TAF4B: variants seen among roughly 807,000 people sequenced by gnomAD.
TAF4B encodes transcription initiation factor TFIID subunit 4B.
TAF4B carries 38 observed loss-of-function variants against 86.4 expected under a neutral mutation model. The observed-to-expected ratio is 0.44, with a 90% CI of 0.34 to 0.58. TAF4B has a LOEUF of 0.58. Ranked by LOEUF, TAF4B falls within the 20% of genes least tolerant of loss-of-function variation. The pLI, the probability that TAF4B is intolerant of heterozygous loss-of-function variation, is 0.02. For synonymous variants in TAF4B, 388 were observed against 391.2 expected, an observed-to-expected ratio of 0.99 and a Z score of 0.10; for missense variants, 988 against 1,027.6, an observed-to-expected ratio of 0.96 and a Z score of 0.53.
intron 12 of TAF4B, among the ~76,000 whole-genome samples, chr18:26,328,768 CACCACCACGCCCG>C: frequency 6.6e-6 from 1 of 152,052 alleles, no homozygotes; most frequent in Non-Finnish European, 1.5e-5. Context: ...TACAGACGCT[CACCACCACGCCCG>C]GCGAATTTTT....
chr18:26,289,791 C>T (rs2056570106), intron 7 of TAF4B, among the ~76,000 whole-genome samples: 1 of 152,182 alleles, frequency 6.6e-6, no homozygotes, highest in Non-Finnish European at 1.5e-5. Flanking sequence ...AATTCTCTTA[C>T]ATTATCACTC....
chr18:26,359,347 A>G (rs2057313423), intron 14 of TAF4B, among the ~76,000 whole-genome samples: 1 of 152,186 alleles, frequency 6.6e-6, no homozygotes, highest in Non-Finnish European at 1.5e-5. Flanking sequence ...GTGCTTGTAC[A>G]ATGTAAGTAC....
intron 9 of TAF4B, among the ~76,000 whole-genome samples, chr18:26,312,409 A>G (rs982312024): frequency 6.6e-6 from 1 of 151,980 alleles, no homozygotes; most frequent in African/African-American, 2.4e-5. Context: ...TACGCCTGCC[A>G]CCATCTGTAA....
At chr18:26,315,125 TCTCTCTCTCTCTCTCTCTCTG>T in intron 9 of TAF4B, 83 bp from the exon 10 acceptor site, 1 of 320,452 alleles carries the variant, frequency 3.1e-6, no homozygotes, top group Non-Finnish European at 4.8e-6. Context: ...TCTCTCTCTC[TCTCTCTCTCTCTCTCTCTCTG>T]TCTCTCTCTC....
At chr18:26,359,545 C>CA (rs1269884796) in intron 14 of TAF4B, among the ~76,000 whole-genome samples, 1 of 152,024 alleles carries the variant, frequency 6.6e-6, no homozygotes. Context: ...GTATAATGTA[C>CA]AAAAAACTGC....
chr18:26,382,862 T>TA (rs1978298113), intron 14 of TAF4B, among the ~76,000 whole-genome samples: 1 of 151,986 alleles, frequency 6.6e-6, no homozygotes, highest in South Asian at 2.1e-4. Flanking sequence ...TAGAGGGAAA[T>TA]AAAAAGTACT....
At chr18:26,294,206 A>G (rs1221115678) in intron 9 of TAF4B, among the ~76,000 whole-genome samples, 1 of 152,140 alleles carries the variant, frequency 6.6e-6, no homozygotes, top group Non-Finnish European at 1.5e-5. Context: ...TTGTTTATCA[A>G]AATGACAGTA....
chr18:26,326,271 G>A (rs1568154572), intron 11 of TAF4B, among the ~76,000 whole-genome samples: 1 of 152,150 alleles, frequency 6.6e-6, no homozygotes, highest in Non-Finnish European at 1.5e-5. Flanking sequence ...AGGTGGGAAA[G>A]CACTGTTTTA....
At chr18:26,254,218 A>G (rs1400588172) in intron 1 of TAF4B, among the ~76,000 whole-genome samples, 1 of 152,086 alleles carries the variant, frequency 6.6e-6, no homozygotes, top group African/African-American at 2.4e-5. Context: ...CTGAGCCACC[A>G]TGCCTGGCCT....
chr18:26,383,919 T>A (rs990407340), intron 14 of TAF4B, among the ~76,000 whole-genome samples: 2 of 152,254 alleles, frequency 1.3e-5, no homozygotes, highest in Non-Finnish European at 2.9e-5. Context: ...TTTTCTGTCC[T>A]GTGTTCCCCT....
At chr18:26,353,903 T>C (rs2057265538) in intron 13 of TAF4B, among the ~76,000 whole-genome samples, 1 of 152,228 alleles carries the variant, frequency 6.6e-6, no homozygotes. Context: ...TTAGGTGTCA[T>C]GTTCAAGGAC....
intron 9 of TAF4B, among the ~76,000 whole-genome samples, chr18:26,309,322 T>C (rs1412775614): frequency 7.8e-6 from 1 of 129,020 alleles, no homozygotes; most frequent in Non-Finnish European, 1.6e-5. Context: ...AATGAAAACT[T>C]TGCAAAACAT....
intron 14 of TAF4B, among the ~76,000 whole-genome samples, chr18:26,368,292 G>A (rs1443302878): frequency 6.6e-6 from 1 of 152,096 alleles, no homozygotes; most frequent in South Asian, 2.1e-4. Context: ...GATAGGGTTA[G>A]ATTATAATTG....
At position 26,275,028 on chromosome 18, in the gene TAF4B, T is replaced by A; in HGVS notation, c.857T>A (p.Val286Glu). Residue 286 changes from valine to glutamate, a missense_variant, in exon 5 of 15, where the codon GTG becomes GAG. Val to Glu is a moderately radical substitution (Grantham distance 121, BLOSUM62 -2). This residue lies in a region of TAF4B where 747 missense variants were observed against 737.9 expected (regional missense o/e 1.01). Coordinates refer to ENST00000269142, the MANE Select transcript of TAF4B (RefSeq NM_005640.3). ...GSQSPEMGQN[V>E]KKLVEQLLDA... is the part of the protein sequence containing the mutation. ...CAGTCCCCAGAAATGGGGCAAAATG[T>A]GAAGAAGCTGGTGGAACAACTTTTG... 1 of 1,611,072 alleles carries A rather than the reference T, an allele frequency of 6.2e-7. No individual in the cohort carries two copies. Among genetic ancestry groups the A allele is most frequent in the Non-Finnish European group, 8.5e-7 (1 of 1,179,622 alleles).
intron 7 of TAF4B, 91 bp downstream of exon 7, chr18:26,286,590 C>CTA: frequency 7.3e-7 from 1 of 1,365,380 alleles, no homozygotes; most frequent in South Asian, 1.4e-5. Flanking sequence ...ACTAGTAAGG[C>CTA]TATATACTGT....
intron 13 of TAF4B, among the ~76,000 whole-genome samples, chr18:26,348,112 T>C (rs2057215142): frequency 6.6e-6 from 1 of 152,218 alleles, no homozygotes; most frequent in Non-Finnish European, 1.5e-5. Flanking sequence ...AGCTGCAGAA[T>C]ACATATTCTT....
intron 5 of TAF4B, among the ~76,000 whole-genome samples, chr18:26,281,261 A>G (rs188284957): frequency 3.3e-5 from 5 of 151,032 alleles, no homozygotes; most frequent in Admixed American, 2.7e-4. Flanking sequence ...AATCTAAAAT[A>G]AAAGCTGAAT....
At chr18:26,243,106 A>G in intron 1 of TAF4B, among the ~76,000 whole-genome samples, 1 of 152,014 alleles carries the variant, frequency 6.6e-6, no homozygotes, top group Non-Finnish European at 1.5e-5. Flanking sequence ...CGTTCTCTGT[A>G]TTTCCTGAAT....
Position 26,389,956 on chromosome 18 carries a change from G to C in TAF4B, c.2533G>C (p.Glu845Gln). ...CCTCAGGGACTTGATATTTTGTATG[G>C]AACAGGAACGGGAGATGAAGTATTC... ...ICLRDLIFCM[E>Q]QEREMKYSRA... The change falls in exon 15 of 15, where the codon GAA (glutamate) becomes CAA (glutamine). Residue 845 changes from glutamate (E) to glutamine (Q), a missense_variant. This residue lies in a region of TAF4B where 216 missense variants were observed against 238.4 expected (regional missense o/e 0.91). Transcript: ENST00000269142. 6.2e-7 allele frequency: 1 copy of C among 1,614,132 alleles called. No individual in the cohort carries two copies. Among genetic ancestry groups the C allele is most frequent in the Non-Finnish European group, 8.5e-7 (1 of 1,180,004 alleles).
Sources: gnomAD v4.1 joint callset for allele counts (sites outside exome capture counted in the v4.1 genomes callset) on GRCh38, gnomAD v4.1.1 for gene constraint, gnomAD v4.1.1 regional missense constraint, MANE v1.5 for transcripts, NCBI Gene and HGNC (gene_info 2026-07-23, HGNC 2026-07-21) for gene names.